The following DPP10 variants were observed in gnomAD, a reference collection of about 807,000 sequenced individuals.
The protein encoded by DPP10 is inactive dipeptidyl peptidase 10.
Under a neutral mutation model 120.9 loss-of-function variants are expected in DPP10, and 33 were observed. The observed-to-expected ratio is 0.27, with a 90% CI of 0.21 to 0.37. The LOEUF is 0.37. Ranked by LOEUF, DPP10 falls within the 10% of genes least tolerant of loss-of-function variation. The probability of loss-of-function intolerance (pLI) is 1.00; values close to 1 mark genes in which losing one functional copy is unlikely to be tolerated. For synonymous variants in DPP10, 337 were observed against 326.1 expected, an observed-to-expected ratio of 1.03 and a Z score of -0.36; for missense variants, 816 against 942.8, an observed-to-expected ratio of 0.87 and a Z score of 1.76.
chr2:114,827,420 G>A (rs1000979484), intron 1 of DPP10, among the ~76,000 whole-genome samples: 1 of 152,052 alleles, frequency 6.6e-6, no homozygotes, highest in Non-Finnish European at 1.5e-5. Context: ...AAAAACTGGG[G>A]TACTGACTTG....
At chr2:115,251,582 TGAG>T (rs1241910720) in intron 1 of DPP10, among the ~76,000 whole-genome samples, 1 of 152,060 alleles carries the variant, frequency 6.6e-6, no homozygotes, top group Non-Finnish European at 1.5e-5. Context: ...GGAGATAAAA[TGAG>T]GAGAGGGGCA....
At chr2:115,337,390 A>C (rs548220166) in intron 2 of DPP10, among the ~76,000 whole-genome samples, 2 of 152,064 alleles carry the variant, frequency 1.3e-5, no homozygotes, top group Non-Finnish European at 2.9e-5. Context: ...GATGCTATTA[A>C]TACATTATTA....
intron 5 of DPP10, among the ~76,000 whole-genome samples, chr2:115,655,193 A>C (rs375228975): frequency 1.3e-5 from 2 of 151,728 alleles, no homozygotes; most frequent in South Asian, 4.1e-4. Flanking sequence ...AATTTTTATA[A>C]TGTCCCAAAT....
intron 5 of DPP10, among the ~76,000 whole-genome samples, chr2:115,649,073 C>G (rs2087529131): frequency 6.6e-6 from 1 of 151,954 alleles, no homozygotes; most frequent in African/African-American, 2.4e-5. Flanking sequence ...AAGAGAAAAA[C>G]AAAACCAGAG....
intron 1 of DPP10, among the ~76,000 whole-genome samples, chr2:115,248,814 G>A (rs1027773736): frequency 6.6e-6 from 1 of 152,100 alleles, no homozygotes; most frequent in Non-Finnish European, 1.5e-5. Context: ...TCATGCTTGT[G>A]TTAATGCACC....
chr2:114,577,011 G>A (rs138273794), intron 1 of DPP10, among the ~76,000 whole-genome samples: 1 of 152,206 alleles, frequency 6.6e-6, no homozygotes, highest in South Asian at 2.1e-4. Context: ...AAGAAGAGCA[G>A]GCAAATAGAT....
At chr2:115,249,971 C>T (rs2058686225) in intron 1 of DPP10, among the ~76,000 whole-genome samples, 1 of 152,116 alleles carries the variant, frequency 6.6e-6, no homozygotes, top group African/African-American at 2.4e-5. Context: ...GAAATCTATG[C>T]AGTACGCTGA....
intron 1 of DPP10, among the ~76,000 whole-genome samples, chr2:115,049,423 G>A (rs1705304090): frequency 6.6e-6 from 1 of 152,024 alleles, no homozygotes; most frequent in Non-Finnish European, 1.5e-5. Flanking sequence ...CTACCAAAAC[G>A]ATCTACTTTA....
intron 1 of DPP10, among the ~76,000 whole-genome samples, chr2:115,219,461 C>T (rs1242740514): frequency 2.6e-5 from 4 of 152,062 alleles, no homozygotes; most frequent in African/African-American, 9.7e-5. Context: ...TATACAAATA[C>T]ATATGTATAC....
chr2:114,855,073 A>G (rs1689267363), intron 1 of DPP10, among the ~76,000 whole-genome samples: 1 of 152,074 alleles, frequency 6.6e-6, no homozygotes, highest in African/African-American at 2.4e-5. Context: ...CTTCCCTTCC[A>G]GGTAGCTTTG....
intron 3 of DPP10, among the ~76,000 whole-genome samples, chr2:115,393,209 A>G (rs2067440272): frequency 2.0e-5 from 3 of 151,906 alleles, no homozygotes; most frequent in African/African-American, 7.3e-5. Context: ...GCTGCTCGGG[A>G]GGCTGAGGCA....
intron 1 of DPP10, among the ~76,000 whole-genome samples, chr2:115,089,919 T>G (rs1215975632): frequency 2.0e-5 from 3 of 152,180 alleles, no homozygotes; most frequent in East Asian, 3.9e-4. Flanking sequence ...TAGGAAATAG[T>G]TGGTTAAACT....
At chr2:115,087,755 T>C (rs1708847020) in intron 1 of DPP10, among the ~76,000 whole-genome samples, 2 of 151,968 alleles carry the variant, frequency 1.3e-5, no homozygotes, top group Non-Finnish European at 2.9e-5. Flanking sequence ...GGTTTCTCCA[T>C]GTTGGTCAGT....
intron 1 of DPP10, among the ~76,000 whole-genome samples, chr2:114,583,168 A>G (rs529286664): frequency 2.6e-5 from 4 of 152,334 alleles, no homozygotes; most frequent in South Asian, 2.1e-4. Context: ...ACAATTAGCT[A>G]TCTAAGTATA....
At chr2:115,619,886 A>C (rs1157715712) in intron 5 of DPP10, among the ~76,000 whole-genome samples, 1 of 152,214 alleles carries the variant, frequency 6.6e-6, no homozygotes, top group African/African-American at 2.4e-5. Flanking sequence ...TGATTTAAAA[A>C]ATTTGGGAAG....
At chr2:115,552,300 T>G (rs2079923180) in intron 5 of DPP10, among the ~76,000 whole-genome samples, 1 of 152,236 alleles carries the variant, frequency 6.6e-6, no homozygotes, top group East Asian at 1.9e-4. Flanking sequence ...TAGCATAGAA[T>G]CTGGGAAGGA....
At chr2:115,371,333 TTACA>T (rs1329214335) in intron 3 of DPP10, among the ~76,000 whole-genome samples, 1 of 152,186 alleles carries the variant, frequency 6.6e-6, no homozygotes, top group East Asian at 1.9e-4. Context: ...AAGGAGTCTC[TTACA>T]AAATGTAGCT....
chr2:115,286,632 T>A (rs771300939), intron 1 of DPP10, among the ~76,000 whole-genome samples: 72 of 145,086 alleles, frequency 5.0e-4, no homozygotes, highest in Non-Finnish European at 7.4e-4. Flanking sequence ...GATTGTGGGG[T>A]GTGTGTCGAG....
At position 114,881,762 on chromosome 2, in the gene DPP10, A is replaced by T. The variant is rs527701588; in HGVS notation, c.61-427477A>T. Among the ~76,000 whole-genome samples the T allele has an allele frequency of 4.6e-5, 7 of 152,286 alleles. No homozygotes were observed. In the South Asian group the frequency reaches 1.2e-3, roughly 27 times the overall value. ...AGAGATCATGAAACAAGTTGTTTGC[A>T]TCATTGGATATGACTGTTTCTCAAA... On this transcript the variant is annotated intron_variant, in intron 1 of 25. Coordinates refer to ENST00000410059, the MANE Select transcript of DPP10 (RefSeq NM_020868.6).
Sources: allele counts gnomAD v4.1 joint callset (sites outside exome capture counted in the v4.1 genomes callset), GRCh38; gene constraint gnomAD v4.1.1; transcripts MANE v1.5; gene names NCBI Gene and HGNC (gene_info 2026-07-23, HGNC 2026-07-21).